DCDC1: variants seen among roughly 807,000 people sequenced by gnomAD.
DCDC1 encodes the protein doublecortin domain-containing protein 1.
A neutral mutation model predicts 178.3 loss-of-function variants in DCDC1; 200 were observed. That is an observed-to-expected ratio of 1.12 (90% confidence interval 1.00 to 1.26). The LOEUF is 1.26. DCDC1 is among the 50% of genes most tolerant of loss of function. The pLI is 0.00. For synonymous variants in DCDC1, 690 were observed against 604.8 expected (o/e 1.14, Z -2.07); for missense variants, 1,983 against 1,749.2 (o/e 1.13, Z -2.38).
intron 13 of DCDC1, among the ~76,000 whole-genome samples, chr11:31,105,402 G>A (rs748314785): frequency 1.3e-5 from 2 of 151,308 alleles, no homozygotes; most frequent in Admixed American, 6.6e-5. Context: ...ATCATTAAAC[G>A]TATCAAAATT....
At chr11:30,880,516 G>T (rs1942565610) in intron 37 of DCDC1, among the ~76,000 whole-genome samples, 1 of 152,080 alleles carries the variant, frequency 6.6e-6, no homozygotes, top group Non-Finnish European at 1.5e-5. Context: ...GGGATGCCAG[G>T]CAATTCATTA....
At chr11:30,955,808 T>C (rs1948742148) in intron 20 of DCDC1, among the ~76,000 whole-genome samples, 2 of 152,084 alleles carry the variant, frequency 1.3e-5, no homozygotes, top group Non-Finnish European at 1.5e-5. Flanking sequence ...CCTCAACCCA[T>C]TGCCCCTTCT....
At chr11:31,313,640 T>C (rs1565596924) in intron 3 of DCDC1, among the ~76,000 whole-genome samples, 1 of 152,222 alleles carries the variant, frequency 6.6e-6, no homozygotes, top group Non-Finnish European at 1.5e-5. Context: ...AGTTGTATGA[T>C]AGTTTTGCTG....
intron 3 of DCDC1, among the ~76,000 whole-genome samples, chr11:31,327,535 C>T (rs899806383): frequency 2.2e-4 from 34 of 152,200 alleles, no homozygotes; most frequent in African/African-American, 7.2e-4. Context: ...GTGACTGGCA[C>T]CTAACAAGTA....
chr11:31,005,853 T>G (rs1400977930), intron 20 of DCDC1, among the ~76,000 whole-genome samples: 1 of 151,848 alleles, frequency 6.6e-6, no homozygotes, highest in Admixed American at 6.6e-5. Context: ...CCTCCATTCT[T>G]TTTAAATTTT....
chr11:31,239,388 G>T (rs1976836229), intron 9 of DCDC1, among the ~76,000 whole-genome samples: 2 of 151,652 alleles, frequency 1.3e-5, no homozygotes. Flanking sequence ...GTCTGTTAAG[G>T]GTATGACTAC....
chr11:31,066,548 A>G (rs1456623203), intron 18 of DCDC1, among the ~76,000 whole-genome samples: 4 of 152,200 alleles, frequency 2.6e-5, no homozygotes, highest in Non-Finnish European at 5.9e-5. Context: ...ATTGTTCTGG[A>G]AAAATAGATA....
intron 17 of DCDC1, among the ~76,000 whole-genome samples, chr11:31,084,530 C>T (rs556216378): frequency 9.1e-4 from 138 of 152,094 alleles, no homozygotes; most frequent in Non-Finnish European, 1.6e-3. Flanking sequence ...TGAGAACTTC[C>T]AGTTTTCTAA....
In DCDC1 at chr11:31,280,752, T is replaced by C. The variant is rs61738873; in HGVS notation, c.960+9895A>G. 96 of 597,690 alleles carry C rather than the reference T, an allele frequency of 1.6e-4. No individual in the cohort carries two copies. In the African/African-American group the frequency reaches 1.7e-3, roughly 11 times the overall value. 37.0% of individuals were successfully genotyped at this position (597,690 alleles called of 1,614,324 possible). Reference sequence around the variant, plus strand: ...TTAATGCCGGCAAAGATCATTTTTATTCTAGGGATGTACTTCTTGGGACTC... The same window carrying C: ...TTAATGCCGGCAAAGATCATTTTTACTCTAGGGATGTACTTCTTGGGACTC... On this transcript the variant is annotated intron_variant, in intron 7 of 38. Coordinates refer to ENST00000684477, the MANE Select transcript of DCDC1 (RefSeq NM_001387274.1).
chr11:31,262,967 G>A, intron 8 of DCDC1: 2 of 1,427,554 alleles, frequency 1.4e-6, no homozygotes, highest in Non-Finnish European at 1.9e-6. Flanking sequence ...GGCAAGGCAT[G>A]CATTAAAATG....
chr11:31,235,089 A>T (rs2136823916), intron 9 of DCDC1, among the ~76,000 whole-genome samples: 1 of 152,256 alleles, frequency 6.6e-6, no homozygotes, highest in East Asian at 1.9e-4. Flanking sequence ...AGATATCTTC[A>T]TCTAACTAAA....
In DCDC1 at chr11:31,110,286, T is replaced by G; in HGVS notation, c.1561A>C (p.Ile521Leu). ...SKKDLGSDSP[I>L]QTDHMMERLL... ...CTTTCCATCATATGGTCAGTTTGAATTGGGCTATCCGATCCCAAATCTTTT... is the reference window on the plus strand; with the variant it reads ...CTTTCCATCATATGGTCAGTTTGAAGTGGGCTATCCGATCCCAAATCTTTT... The change falls in exon 12 of 39, where the codon ATT becomes CTT. Residue 521 changes from isoleucine (I) to leucine (L), a missense_variant. Coordinates refer to ENST00000684477, the MANE Select transcript of DCDC1 (RefSeq NM_001387274.1). The G allele has an allele frequency of 1.4e-6, 1 of 716,476 alleles. No homozygotes were observed. The highest frequency in any genetic ancestry group is 2.6e-5 in the East Asian group (1 of 39,012). The allele number at this position is 716,476 out of a possible 1,614,324, so 44.4% of individuals were successfully genotyped here.
Position 31,328,223 on chromosome 11 carries a change from G to A in DCDC1, c.58C>T (p.Leu20Phe). The change falls in exon 3 of 39, where the codon CTC becomes TTC. Residue 20 changes from leucine (L) to phenylalanine (F), a missense_variant. Transcript: ENST00000684477. ...REALSQSSLS[L>F]LTEAMEVLQQ... ...AATACTTCCATTGCTTCAGTCAAGA[G>A]GGATAAGGAAGACTGAGATAGTGCT... 1 of 1,609,196 alleles carries A rather than the reference G, an allele frequency of 6.2e-7. No homozygotes were observed. Among genetic ancestry groups the A allele is most frequent in the East Asian group, 2.2e-5 (1 of 44,728 alleles).
chr11:31,170,994 A>C (rs1967151433), intron 9 of DCDC1, among the ~76,000 whole-genome samples: 1 of 151,772 alleles, frequency 6.6e-6, no homozygotes, highest in African/African-American at 2.4e-5. Flanking sequence ...ATGCCAGGCT[A>C]ATTTTGTATT....
chr11:31,107,801 C>A (rs972295019), intron 12 of DCDC1, among the ~76,000 whole-genome samples: 1 of 152,138 alleles, frequency 6.6e-6, no homozygotes, highest in Non-Finnish European at 1.5e-5. Flanking sequence ...TCCACCCTAT[C>A]CATCACTCTT....
At chr11:30,871,168 T>C (rs1470149402) in intron 38 of DCDC1, among the ~76,000 whole-genome samples, 2 of 151,934 alleles carry the variant, frequency 1.3e-5, no homozygotes, top group Non-Finnish European at 2.9e-5. Flanking sequence ...CAGGAAAAAA[T>C]ATAAACAGAA....
intron 26 of DCDC1, among the ~76,000 whole-genome samples, chr11:30,916,233 G>A (rs573385473): frequency 3.2e-4 from 48 of 152,214 alleles, no homozygotes; most frequent in Middle Eastern, 3.4e-3. Context: ...ACTGTCTTAA[G>A]GACCTTACAT....
At chr11:31,274,581 T>A (rs988553915) in intron 7 of DCDC1, among the ~76,000 whole-genome samples, 2 of 151,612 alleles carry the variant, frequency 1.3e-5, no homozygotes, top group Admixed American at 1.3e-4. Flanking sequence ...CAGGATGTAT[T>A]CCAGGAATCG....
chr11:31,342,143 C>T (rs10835764), intron 1 of DCDC1, among the ~76,000 whole-genome samples: 1 of 152,258 alleles, frequency 6.6e-6, no homozygotes, highest in Non-Finnish European at 1.5e-5. Context: ...TTTTGAACGA[C>T]AGTTAACACC....
Sources: gnomAD v4.1 joint callset for allele counts (sites outside exome capture counted in the v4.1 genomes callset) on GRCh38, gnomAD v4.1.1 for gene constraint, MANE v1.5 for transcripts, NCBI Gene and HGNC (gene_info 2026-07-23, HGNC 2026-07-21) for gene names.